The following SPTLC1 variants were observed in gnomAD, a reference collection of about 807,000 sequenced individuals.
SPTLC1 encodes serine palmitoyltransferase 1.
SPTLC1 carries 55 observed loss-of-function variants against 68.9 expected under a neutral mutation model. The ratio of observed to expected loss-of-function variants is 0.80; its 90% confidence interval spans 0.64 to 1.00. The LOEUF (loss-of-function observed/expected upper bound fraction) is 1.00, where lower values mean the gene tolerates loss of function less well. Among genes scored for constraint, SPTLC1 ranks in the 50% least tolerant of loss-of-function variants. The pLI is 0.00. For synonymous variants in SPTLC1, 197 were observed against 201.6 expected (o/e 0.98, Z 0.19); for missense variants, 449 against 573.1 (o/e 0.78, Z 2.21).
chr9:92,069,288 T>C (rs2118606726), intron 5 of SPTLC1, among the ~76,000 whole-genome samples: 1 of 152,360 alleles, frequency 6.6e-6, no homozygotes, highest in East Asian at 1.9e-4. Flanking sequence ...ATTAATTCCA[T>C]TCCTATCAAA....
chr9:92,102,490 C>T (rs986394521), intron 3 of SPTLC1, among the ~76,000 whole-genome samples: 1 of 152,088 alleles, frequency 6.6e-6, no homozygotes, highest in African/African-American at 2.4e-5. Flanking sequence ...ACACCCAATA[C>T]AGAACAATAT....
chr9:92,042,265 CAGACCAA>C (rs1233015806), intron 12 of SPTLC1, among the ~76,000 whole-genome samples: 2 of 152,146 alleles, frequency 1.3e-5, no homozygotes, highest in Admixed American at 6.5e-5. Flanking sequence ...ATTAGGGACT[CAGACCAA>C]AGCAATAAAA....
At position 92,104,375 on chromosome 9, in the gene SPTLC1, G is replaced by A. The variant is rs1040648550; in HGVS notation, c.260+4365C>T. 4.9e-5 allele frequency: 69 copies of A among 1,398,642 alleles called. No individual in the cohort carries two copies. The African/African-American group carries it at 6.4e-4, about 13-fold the overall frequency. 86.6% of individuals were successfully genotyped at this position (1,398,642 alleles called of 1,614,324 possible). A position where few individuals can be genotyped will look rare whatever the true frequency, so the allele number is the denominator to read the frequency against. ...GGCCGTTTCCCACTCCTCTTCAACC[G>A]TCAGCGACATCTTGGGCCTTCTTTT... On this transcript the variant is annotated intron_variant, in intron 3 of 14. Transcript: ENST00000262554.
chr9:92,105,269 T>C, intron 3 of SPTLC1: 2 of 1,534,382 alleles, frequency 1.3e-6, no homozygotes, highest in Non-Finnish European at 1.7e-6. Flanking sequence ...TAAGCTTCCA[T>C]GTCTATCTCC....
At chr9:92,105,416 A>C in intron 3 of SPTLC1, 1 of 1,476,388 alleles carries the variant, frequency 6.8e-7, no homozygotes, top group Non-Finnish European at 9.1e-7. Context: ...GAGAAAGAAG[A>C]GACAGCAGGG....
chr9:92,080,874 A>T lies in SPTLC1; in HGVS notation c.350T>A (p.Val117Asp), dbSNP rs1834856605. ...NFLGLLDNPR[V>D]KAAALASLKK... ...TCAGCAATATGTGCTACTCACCTTA[A>T]CCCTAGGGTTATCCAACAATCCAAG... Residue 117 changes from valine to aspartate, a missense_variant, in exon 4 of 15, where the codon GTT becomes GAT. Transcript: ENST00000262554. The T allele has an allele frequency of 1.2e-6, 2 of 1,610,774 alleles. No individual in the cohort carries two copies. The highest frequency in any genetic ancestry group is 1.7e-6 in the Non-Finnish European group (2 of 1,177,084).
chr9:92,071,271 A>T (rs1439693954), intron 5 of SPTLC1, among the ~76,000 whole-genome samples: 1 of 151,256 alleles, frequency 6.6e-6, no homozygotes, highest in Admixed American at 6.6e-5. Flanking sequence ...ATGGTGGCGC[A>T]TGCCTGTAAT....
chr9:92,045,548 A>AC (rs1554706143), intron 12 of SPTLC1, among the ~76,000 whole-genome samples: 3 of 145,286 alleles, frequency 2.1e-5, no homozygotes, highest in Admixed American at 2.0e-4. Flanking sequence ...AAAAAAAAAA[A>AC]AAAACACTGA....
At chr9:92,071,838 T>TA (rs1421646548) in intron 5 of SPTLC1, among the ~76,000 whole-genome samples, 1 of 152,182 alleles carries the variant, frequency 6.6e-6, no homozygotes, top group Non-Finnish European at 1.5e-5. Context: ...TGGGGCATTC[T>TA]ACCATTGTAA....
At position 92,031,537 on chromosome 9, in the gene SPTLC1, G is replaced by A. The variant is rs1333982800; in HGVS notation, c.*928C>T. 6.6e-6 allele frequency: 1 copy of A among 152,046 alleles called. No homozygotes were observed. The highest frequency in any genetic ancestry group is 1.5e-5 in the Non-Finnish European group (1 of 67,982). The allele number at this position is 152,046 out of a possible 1,614,324, so 9.4% of individuals were successfully genotyped here. On this transcript the variant is annotated 3_prime_UTR_variant, in exon 15 of 15. Transcript: ENST00000262554. ...CTTTCACATCTTTTGTAGATATCTGGAATTTGTAAGATGAAAAGAAAAATT... is the reference window on the plus strand; with the variant it reads ...CTTTCACATCTTTTGTAGATATCTGAAATTTGTAAGATGAAAAGAAAAATT...
chr9:92,037,807 G>T (rs1018820369), intron 13 of SPTLC1, among the ~76,000 whole-genome samples: 1 of 152,204 alleles, frequency 6.6e-6, no homozygotes, highest in African/African-American at 2.4e-5. Context: ...GGGTGACTGT[G>T]AGTGGACTGT....
intron 1 of SPTLC1, among the ~76,000 whole-genome samples, chr9:92,114,555 C>G (rs991036579): frequency 1.3e-5 from 2 of 151,884 alleles, no homozygotes; most frequent in Non-Finnish European, 2.9e-5. Context: ...GACCAACATG[C>G]AGAAACCCCG....
chr9:92,050,072 G>GAGTAGTTTTATGTCAAGT lies in SPTLC1; in HGVS notation c.781-6_781-5insACTTGACATAAAACTACT. On this transcript the variant is annotated splice_region_variant and splice_polypyrimidine_tract_variant and intron_variant, in intron 8 of 14. Transcript: ENST00000262554. ...GTATTTGTATTTTAACTTAACCTAA[G>GAGTAGTTTTATGTCAAGT]TGTTATATAAACGTTAAAATACTAA... The GAGTAGTTTTATGTCAAGT allele has an allele frequency of 6.4e-7, 1 of 1,566,542 alleles. No homozygotes were observed. Among genetic ancestry groups the GAGTAGTTTTATGTCAAGT allele is most frequent in the Non-Finnish European group, 8.8e-7 (1 of 1,137,554 alleles).
intron 12 of SPTLC1, 195 bp from the exon 13 acceptor site, chr9:92,038,560 A>G: frequency 1.6e-6 from 1 of 616,010 alleles, no homozygotes; most frequent in East Asian, 3.0e-5. Context: ...CTCATCTAAA[A>G]AAGTCTGCCT....
intron 12 of SPTLC1, among the ~76,000 whole-genome samples, chr9:92,045,545 AAAAAAAAC>A (rs1359691080): frequency 6.7e-6 from 1 of 148,902 alleles, no homozygotes; most frequent in Non-Finnish European, 1.5e-5. Flanking sequence ...AAAAAAAAAA[AAAAAAAAC>A]ACTGATAAAA....
chr9:92,090,019 A>G (rs892695994), intron 3 of SPTLC1, among the ~76,000 whole-genome samples: 1 of 152,246 alleles, frequency 6.6e-6, no homozygotes, highest in Non-Finnish European at 1.5e-5. Context: ...TTTCTCATTA[A>G]GAGATACAGA....
chr9:92,055,580 C>G (rs968177103), intron 7 of SPTLC1, 86 bp from the exon 8 acceptor site: 1 of 1,313,772 alleles, frequency 7.6e-7, no homozygotes, highest in East Asian at 2.3e-5. Flanking sequence ...TTTCACCTTA[C>G]AAGATTTATT....
intron 3 of SPTLC1, among the ~76,000 whole-genome samples, chr9:92,091,296 G>C (rs1395024240): frequency 6.6e-6 from 1 of 152,214 alleles, no homozygotes; most frequent in East Asian, 1.9e-4. Flanking sequence ...AAGGGGTCAA[G>C]TGTAGAACCA....
intron 7 of SPTLC1, among the ~76,000 whole-genome samples, chr9:92,058,053 C>T (rs942802491): frequency 1.3e-5 from 2 of 152,188 alleles, no homozygotes; most frequent in African/African-American, 4.8e-5. Context: ...CTTTCTATTA[C>T]TGCATCATCA....
Sources: gnomAD v4.1 joint callset for allele counts (sites outside exome capture counted in the v4.1 genomes callset) on GRCh38, gnomAD v4.1.1 for gene constraint, MANE v1.5 for transcripts, NCBI Gene and HGNC (gene_info 2026-07-23, HGNC 2026-07-21) for gene names.